TARS2: variants seen among roughly 807,000 people sequenced by gnomAD.
TARS2 encodes threonine--tRNA ligase, mitochondrial.
TARS2 carries 61 observed loss-of-function variants against 94.4 expected under a neutral mutation model. That is an observed-to-expected ratio of 0.65 (90% CI 0.53 to 0.80). The LOEUF (loss-of-function observed/expected upper bound fraction) is 0.80, where lower values mean the gene tolerates loss of function less well. Ranked by LOEUF, TARS2 falls within the 30% of genes least tolerant of loss-of-function variation. The pLI is 0.00. For missense variants in TARS2, 704 were observed against 902.5 expected, an observed-to-expected ratio of 0.78 and a Z score of 2.82; for synonymous variants, 359 against 353.4, an observed-to-expected ratio of 1.02 and a Z score of -0.18.
intron 13 of TARS2, among the ~76,000 whole-genome samples, chr1:150,500,939 A>G (rs1669884556): frequency 1.3e-5 from 2 of 152,176 alleles, no homozygotes; most frequent in South Asian, 4.1e-4. Flanking sequence ...TAGGATTGAG[A>G]AGCCTTCATA....
chr1:150,501,300 AAATTTTTTT>A (rs1480801144), intron 13 of TARS2, among the ~76,000 whole-genome samples: 70 of 72,994 alleles, frequency 9.6e-4, no homozygotes, highest in African/African-American at 3.3e-3. Flanking sequence ...CTACAAAAAA[AAATTTTTTT>A]TTTTTTTTTT....
At chr1:150,498,457 G>A (rs1401836795) in intron 10 of TARS2, 45 bp from the exon 11 acceptor site, 2 of 1,516,368 alleles carry the variant, frequency 1.3e-6, no homozygotes, top group South Asian at 1.4e-5. Flanking sequence ...GTCTTCGGGG[G>A]CTAGTCCTCC....
chr1:150,496,041 G>C (rs1201876638), intron 7 of TARS2, among the ~76,000 whole-genome samples: 1 of 152,186 alleles, frequency 6.6e-6, no homozygotes, highest in Non-Finnish European at 1.5e-5. Context: ...TTAAAGGAGA[G>C]AGCAGGCAGA....
Position 150,507,157 on chromosome 1 carries a change from G to T in TARS2, c.*93G>T. 2.0e-6 allele frequency: 3 copies of T among 1,524,786 alleles called. No homozygotes were observed. Among genetic ancestry groups the T allele is most frequent in the Non-Finnish European group, 1.8e-6 (2 of 1,127,096 alleles). 94.5% of individuals were successfully genotyped at this position (1,524,786 alleles called of 1,614,324 possible). A position where few individuals can be genotyped will look rare whatever the true frequency, so the allele number is the denominator to read the frequency against. On this transcript the variant is annotated 3_prime_UTR_variant, in exon 18 of 18. Transcript: ENST00000369064. The stretch of plus-strand genomic sequence containing the variant: ...CCCAGCTGACAATGTGGAGCCCCCA[G>T]AACTTCAGAACTGTGTGGAGGCACA...
intron 10 of TARS2, 23 bp downstream of exon 10, chr1:150,497,770 A>C: frequency 6.2e-7 from 1 of 1,606,426 alleles, no homozygotes. Context: ...CTAGGGTTAC[A>C]ATCAGGTTGC....
chr1:150,496,703 G>A, intron 8 of TARS2, 75 bp downstream of exon 8: 1 of 1,598,724 alleles, frequency 6.3e-7, no homozygotes, highest in Non-Finnish European at 8.5e-7. Context: ...TTATGAAATT[G>A]GGAGCAGATT....
At chr1:150,503,032 AAGAG>A (rs1178786927) in intron 13 of TARS2, among the ~76,000 whole-genome samples, 6 of 152,208 alleles carry the variant, frequency 3.9e-5, no homozygotes, top group African/African-American at 1.2e-4. Context: ...CTGCTATAAA[AAGAG>A]AGAGCAAAAA....
In TARS2 at chr1:150,499,262, A is replaced by G. The variant is rs377553660; in HGVS notation, c.1586A>G (p.Asn529Ser). The G allele has an allele frequency of 1.3e-5, 21 of 1,613,914 alleles. No homozygotes were observed. The highest frequency in any genetic ancestry group is 3.3e-4 in the Middle Eastern group (2 of 6,084). Reference sequence around the variant, plus strand: ...GAATTTGGAGAACCCTGGGACCTCAACTCTGGAGATGGTGCCTTCTATGGA... The same window carrying G: ...GAATTTGGAGAACCCTGGGACCTCAGCTCTGGAGATGGTGCCTTCTATGGA... ...LKEFGEPWDL[N>S]SGDGAFYGPK... Residue 529 changes from asparagine (N) to serine (S), a missense_variant, in exon 13 of 18, where the codon AAC becomes AGC. Coordinates refer to ENST00000369064, the MANE Select transcript of TARS2 (RefSeq NM_025150.5).
At chr1:150,490,542 A>G in intron 3 of TARS2, 59 bp from the exon 4 acceptor site, 2 of 1,556,932 alleles carry the variant, frequency 1.3e-6, no homozygotes, top group Non-Finnish European at 1.7e-6. Flanking sequence ...AAGAGCTCAG[A>G]GATCTAGGGG....
chr1:150,505,566 TC>T (rs1306465955), intron 16 of TARS2, 24 bp from the exon 17 acceptor site: 1 of 1,600,322 alleles, frequency 6.2e-7, no homozygotes, highest in African/African-American at 1.3e-5. Context: ...TAAATTAACT[TC>T]CTGTCACCAA....
chr1:150,499,010 T>C lies in TARS2; in HGVS notation c.1515T>C (p.Pro505=). ...STRPSGFLGD[P]CLWDQAEQVL... is the part of the protein sequence containing the mutation. The stretch of plus-strand genomic sequence containing the variant: ...GGCCATCTGGCTTCCTGGGGGACCC[T>C]TGCCTTTGGGACCAGGCCGAACAGG... The change falls in exon 12 of 18, where the codon CCT becomes CCC. Residue 505 remains proline (P), a synonymous_variant. Transcript: ENST00000369064. 6.2e-7 allele frequency: 1 copy of C among 1,614,152 alleles called. No individual in the cohort carries two copies. Among genetic ancestry groups the C allele is most frequent in the East Asian group, 2.2e-5 (1 of 44,878 alleles).
In TARS2 at chr1:150,492,441, C is replaced by T. The variant is rs772781562; in HGVS notation, c.726C>T (p.Gly242=). ...GCACATTGGTTGACCTTTGCCAGGGCCCCCACCTTCGGCATACTGGACAGA... is the reference window on the plus strand; with the variant it reads ...GCACATTGGTTGACCTTTGCCAGGGTCCCCACCTTCGGCATACTGGACAGA... ...GCGTLVDLCQ[G]PHLRHTGQIG... is the part of the protein sequence containing the mutation. The change falls in exon 7 of 18, where the codon GGC becomes GGT. Residue 242 remains glycine (G), a synonymous_variant. Coordinates refer to ENST00000369064, the MANE Select transcript of TARS2 (RefSeq NM_025150.5). 1.2e-6 allele frequency: 2 copies of T among 1,613,894 alleles called. No individual in the cohort carries two copies. The highest frequency in any genetic ancestry group is 1.7e-6 in the Non-Finnish European group (2 of 1,179,904).
rs373939663 is a variant in TARS2, at chr1:150,498,628, G to A, written c.1365G>A (p.Gln455=). 160 of 1,612,706 alleles carry A rather than the reference G, an allele frequency of 9.9e-5. No individual in the cohort carries two copies. The highest frequency in any genetic ancestry group is 1.2e-4 in the Non-Finnish European group (146 of 1,179,662). Residue 455 remains glutamine, a synonymous_variant, in exon 11 of 18, where the codon CAG becomes CAA. Transcript: ENST00000369064. ...LGGLTRLRCF[Q]QDDAHIFCTT... is the part of the protein sequence containing the mutation. ...GACTGACCCGACTGCGGTGCTTCCA[G>A]CAGGATGACGCTCACATCTTCTGTA... is the stretch of plus-strand genomic sequence containing the variant.
chr1:150,503,079 A>G (rs900029629), intron 13 of TARS2, among the ~76,000 whole-genome samples: 5 of 152,170 alleles, frequency 3.3e-5, no homozygotes, highest in African/African-American at 1.2e-4. Flanking sequence ...CAGAGCATAG[A>G]GCTTATTAGG....
intron 2 of TARS2, 81 bp from the exon 3 acceptor site, chr1:150,488,883 A>G: frequency 6.5e-7 from 1 of 1,540,400 alleles, no homozygotes. Flanking sequence ...ACTCTCATAT[A>G]GGAATCAGAA....
At chr1:150,503,953 C>G (rs1180658094) in intron 13 of TARS2, among the ~76,000 whole-genome samples, 1 of 148,568 alleles carries the variant, frequency 6.7e-6, no homozygotes, top group Non-Finnish European at 1.5e-5. Context: ...GACCAAGAGA[C>G]AGTAATCAGA....
intron 6 of TARS2, 69 bp from the exon 7 acceptor site, chr1:150,492,342 A>C: frequency 6.7e-7 from 1 of 1,493,484 alleles, no homozygotes; most frequent in Non-Finnish European, 9.3e-7. Flanking sequence ...TCAGCTAAAG[A>C]CCATGAGAGG....
chr1:150,489,977 C>T (rs1669311126), intron 3 of TARS2, among the ~76,000 whole-genome samples: 1 of 152,020 alleles, frequency 6.6e-6, no homozygotes, highest in Non-Finnish European at 1.5e-5. Context: ...TAAAAGCTTA[C>T]AGGAGCAGCA....
Position 150,489,077 on chromosome 1 carries a change from A to T in TARS2, c.377A>T (p.Glu126Val). Residue 126 changes from glutamate (E) to valine (V), a missense_variant, in exon 3 of 18, where the codon GAG becomes GTG. Glu to Val is a moderately radical substitution (Grantham distance 121). Coordinates refer to ENST00000369064, the MANE Select transcript of TARS2 (RefSeq NM_025150.5). ...AGATTTCTGACATTCGATTCCCCAG[A>T]GGGGAAAGCAGTAAGTTTCTTTCTT... ...DLRFLTFDSP[E>V]GKAVFWHSST... 2 of 1,614,160 alleles carry T rather than the reference A, an allele frequency of 1.2e-6. No homozygotes were observed. Among genetic ancestry groups the T allele is most frequent in the Non-Finnish European group, 1.7e-6 (2 of 1,180,008 alleles).
Sources: gnomAD v4.1 joint callset for allele counts (sites outside exome capture counted in the v4.1 genomes callset) on GRCh38, gnomAD v4.1.1 for gene constraint, MANE v1.5 for transcripts, NCBI Gene and HGNC (gene_info 2026-07-23, HGNC 2026-07-21) for gene names.